Variants in ANKRD11 observed in about 807,000 individuals in gnomAD.
ANKRD11 encodes ankyrin repeat domain-containing protein 11.
A neutral mutation model predicts 195.7 loss-of-function variants in ANKRD11; 17 were observed. That is an observed-to-expected ratio of 0.09 (90% CI 0.06 to 0.13). The LOEUF (loss-of-function observed/expected upper bound fraction) is 0.13. Ranked by LOEUF, ANKRD11 falls within the 10% of genes least tolerant of loss-of-function variation. ANKRD11 has a pLI of 1.00. For missense variants in ANKRD11, 3,735 were observed against 3,566.1 expected, an observed-to-expected ratio of 1.05 and a Z score of -1.21; for synonymous variants, 1,953 against 1,528.1, an observed-to-expected ratio of 1.28 and a Z score of -6.49.
chr16:89,472,448 G>A (rs900085394), intron 1 of ANKRD11, among the ~76,000 whole-genome samples: 1 of 152,212 alleles, frequency 6.6e-6, no homozygotes, highest in East Asian at 1.9e-4. Context: ...CCAAAGCAAA[G>A]GAGCAGCAAG....
In ANKRD11 at chr16:89,285,905, C is replaced by T; in HGVS notation, c.892+134G>A. The T allele has an allele frequency of 1.4e-6, 2 of 1,423,896 alleles. No individual in the cohort carries two copies. The highest frequency in any genetic ancestry group is 1.9e-6 in the Non-Finnish European group (2 of 1,026,498). 88.2% of individuals were successfully genotyped at this position (1,423,896 alleles called of 1,614,324 possible). ...TGACACACCTGGGCGGGGTCTCCCG[C>T]AGTCCAGAAGCTCCTGTAAGCCCCC... On this transcript the variant is annotated intron_variant, in intron 8 of 12. Coordinates refer to ENST00000301030, the MANE Select transcript of ANKRD11 (RefSeq NM_013275.6). The surrounding 1 kb of genome is among the most constrained non-coding windows in gnomAD (Gnocchi z 5.6).
intron 4 of ANKRD11, 120 bp downstream of exon 4, chr16:89,305,086 G>C: frequency 7.0e-7 from 1 of 1,437,692 alleles, no homozygotes; most frequent in East Asian, 2.3e-5. Context: ...TGGACGGCGT[G>C]CAGGGTGCTA....
At chr16:89,453,580 TAA>T (rs2056288429) in intron 1 of ANKRD11, among the ~76,000 whole-genome samples, 1 of 152,136 alleles carries the variant, frequency 6.6e-6, no homozygotes, top group African/African-American at 2.4e-5. Context: ...TTGCATACTT[TAA>T]AAAGTGTGGC....
In ANKRD11 at chr16:89,285,061, T is replaced by A. The variant is rs762713023; in HGVS notation, c.1481A>T (p.Asp494Val). The part of the protein sequence containing the change: ...ESSESGEDDR[D>V]SLGSSGCLKG... ...GAGGCAGCCAGAGCTCCCCAGAGAG[T>A]CCCTGTCATCCTCCCCACTCTCTGA... The change falls in exon 9 of 13, where the codon GAC becomes GTC. Residue 494 changes from aspartate (D) to valine (V), a missense_variant. Coordinates refer to ENST00000301030, the MANE Select transcript of ANKRD11 (RefSeq NM_013275.6). This position sits in a 1 kb window ranked among gnomAD's most constrained non-coding sequence, Gnocchi z 5.6. 6 of 1,613,688 alleles carry A rather than the reference T, an allele frequency of 3.7e-6. No individual in the cohort carries two copies. Among genetic ancestry groups the A allele is most frequent in the Non-Finnish European group, 3.4e-6 (4 of 1,179,998 alleles).
At chr16:89,344,946 T>C (rs977561067) in intron 2 of ANKRD11, among the ~76,000 whole-genome samples, 10 of 152,090 alleles carry the variant, frequency 6.6e-5, no homozygotes, top group Admixed American at 2.0e-4. Flanking sequence ...AAAAGAATGG[T>C]TGGCAGAACT....
intron 1 of ANKRD11, among the ~76,000 whole-genome samples, chr16:89,452,690 A>C (rs949249157): frequency 6.6e-6 from 1 of 151,348 alleles, no homozygotes; most frequent in Non-Finnish European, 1.5e-5. Flanking sequence ...AGGAGGCAGG[A>C]AAATCTCCAG....
In ANKRD11 at chr16:89,279,622, G is replaced by A. The variant is rs1277197697; in HGVS notation, c.6920C>T (p.Pro2307Leu). 21 of 1,438,618 alleles carry A rather than the reference G, an allele frequency of 1.5e-5. No individual in the cohort carries two copies. The East Asian group carries it at 1.7e-4, about 12-fold the overall frequency. The allele number at this position is 1,438,618 out of a possible 1,614,324, so 89.1% of individuals were successfully genotyped here. Residue 2307 changes from proline to leucine, a missense_variant, in exon 9 of 13, where the codon CCT (proline) becomes CTT (leucine). Coordinates refer to ENST00000301030, the MANE Select transcript of ANKRD11 (RefSeq NM_013275.6). This position sits in a 1 kb window ranked among gnomAD's most constrained non-coding sequence, Gnocchi z 5.6. ...SRAAAPAEGP[P>L]GGIQPEAAEP... Reference sequence around the variant, plus strand: ...TGCGGCTTCCGGCTGGATGCCGCCAGGAGGGCCTTCGGCTGGGGCGGCGGC... The same window carrying A: ...TGCGGCTTCCGGCTGGATGCCGCCAAGAGGGCCTTCGGCTGGGGCGGCGGC...
intron 1 of ANKRD11, among the ~76,000 whole-genome samples, chr16:89,461,043 CA>C (rs542176599): frequency 7.4e-6 from 1 of 134,556 alleles, no homozygotes; most frequent in Non-Finnish European, 1.6e-5. Context: ...ATCGTATGAC[CA>C]CCCCCCCGCA....
chr16:89,425,553 A>C (rs972450299), intron 1 of ANKRD11, among the ~76,000 whole-genome samples: 2 of 152,220 alleles, frequency 1.3e-5, no homozygotes, highest in Non-Finnish European at 2.9e-5. Context: ...TGGTGCAGAC[A>C]GGTCACCTAT....
rs142933700 is a variant in ANKRD11, at chr16:89,324,325, G to A, written c.-59-7247C>T. 1,168 of 1,225,236 alleles carry A rather than the reference G, an allele frequency of 9.5e-4. 15 individuals carry two copies. In the African/African-American group the frequency reaches 0.016, roughly 17 times the overall value. The allele number at this position is 1,225,236 out of a possible 1,614,324, so 75.9% of individuals were successfully genotyped here. A position where few individuals can be genotyped will look rare whatever the true frequency, so the allele number is the denominator to read the frequency against. The stretch of plus-strand genomic sequence containing the variant: ...CGACAGGAGCACGGACACAGCAGTC[G>A]GGGCGACGTGGGTGCCTCACAGAAG... On this transcript the variant is annotated intron_variant, in intron 2 of 12. Transcript: ENST00000301030.
At chr16:89,299,643 G>T (rs2035698000) in intron 4 of ANKRD11, 1 of 168,886 alleles carries the variant, frequency 5.9e-6, no homozygotes, top group Non-Finnish European at 1.2e-5. Context: ...TGTGCCCTGT[G>T]TGAGGTGCCT....
At chr16:89,352,063 T>C (rs1347263854) in intron 2 of ANKRD11, among the ~76,000 whole-genome samples, 1 of 152,088 alleles carries the variant, frequency 6.6e-6, no homozygotes, top group Non-Finnish European at 1.5e-5. Flanking sequence ...CAGGCCCAGG[T>C]AATTTGTGTA....
chr16:89,387,334 G>C (rs1406938092), intron 2 of ANKRD11, among the ~76,000 whole-genome samples: 1 of 152,078 alleles, frequency 6.6e-6, no homozygotes, highest in African/African-American at 2.4e-5. Flanking sequence ...CAGAGGGATA[G>C]TCAGGCCTCC....
At chr16:89,323,346 A>C (rs1192340124) in intron 2 of ANKRD11, 1 of 1,288,408 alleles carries the variant, frequency 7.8e-7, no homozygotes, top group Non-Finnish European at 1.0e-6. Context: ...ATGGAAGAGA[A>C]GCACCACTGG....
intron 2 of ANKRD11, among the ~76,000 whole-genome samples, chr16:89,385,797 T>G (rs984428882): frequency 9.9e-5 from 15 of 152,252 alleles, no homozygotes; most frequent in Non-Finnish European, 1.8e-4. Context: ...AGAGCCTGCC[T>G]GCCTCACCCC....
rs1307402586 is a variant in ANKRD11 at position 89,285,236 on chromosome 16, C to G, written c.1306G>C (p.Gly436Arg). Residue 436 changes from glycine (G) to arginine (R), a missense_variant, in exon 9 of 13, where the codon GGT becomes CGT. Coordinates refer to ENST00000301030, the MANE Select transcript of ANKRD11 (RefSeq NM_013275.6). This position sits in a 1 kb window ranked among gnomAD's most constrained non-coding sequence, Gnocchi z 5.6. ...TTAGAAGGCTCTCGTGTCTTACTAC[C>G]AGGCAATATCGTATGTGCCGAGAGT... ...LRLSAHTILP[G>R]SKTREPSNAK... is the part of the protein sequence containing the mutation. 1 of 1,613,658 alleles carries G rather than the reference C, an allele frequency of 6.2e-7. No homozygotes were observed. Among genetic ancestry groups the G allele is most frequent in the Non-Finnish European group, 8.5e-7 (1 of 1,180,032 alleles).
intron 4 of ANKRD11, among the ~76,000 whole-genome samples, chr16:89,298,571 G>A (rs1307650282): frequency 2.0e-5 from 3 of 152,176 alleles, no homozygotes; most frequent in Admixed American, 6.5e-5. Flanking sequence ...CTGCTCCCAC[G>A]GCAGCCACCA....
chr16:89,347,676 C>T (rs1476269423), intron 2 of ANKRD11, among the ~76,000 whole-genome samples: 2 of 151,460 alleles, frequency 1.3e-5, no homozygotes, highest in African/African-American at 4.9e-5. Flanking sequence ...TCTATTTCTC[C>T]TTATCGGTTT....
At chr16:89,421,705 C>G (rs2930217) in intron 1 of ANKRD11, among the ~76,000 whole-genome samples, 1 of 76,498 alleles carries the variant, frequency 1.3e-5, no homozygotes, top group Admixed American at 1.8e-4. Flanking sequence ...CACCCGTCCA[C>G]GTCTGGGGGT....
Sources: allele counts gnomAD v4.1 joint callset (sites outside exome capture counted in the v4.1 genomes callset), GRCh38; gene constraint gnomAD v4.1.1; non-coding constraint Gnocchi (gnomAD v3.1); transcripts MANE v1.5; gene names NCBI Gene and HGNC (gene_info 2026-07-23, HGNC 2026-07-21).